EIF4E: variants seen among roughly 807,000 people sequenced by gnomAD.
EIF4E encodes the protein eIF-4F 25 kDa subunit.
For missense variants in EIF4E, 113 were observed against 265.6 expected (o/e 0.43, Z 3.99); for synonymous variants, 71 against 88.5 (o/e 0.80, Z 1.11).
At chr4:98,904,323 T>C in intron 1 of EIF4E, among the ~76,000 whole-genome samples, 1 of 151,826 alleles carries the variant, frequency 6.6e-6, no homozygotes, top group South Asian at 2.1e-4. Flanking sequence ...ACAATCCTCT[T>C]TCTCTCTCTC....
At chr4:98,916,723 C>T (rs1341171038) in intron 1 of EIF4E, among the ~76,000 whole-genome samples, 1 of 152,080 alleles carries the variant, frequency 6.6e-6, no homozygotes, top group Non-Finnish European at 1.5e-5. Flanking sequence ...ACTTCAGAAT[C>T]CTGAAGAATT....
At chr4:98,886,833 C>T (rs1723940742) in intron 5 of EIF4E, 2 of 471,056 alleles carry the variant, frequency 4.2e-6, no homozygotes, top group Admixed American at 6.6e-5. Context: ...GAAATGACCA[C>T]AGTGAGCTTA....
intron 2 of EIF4E, among the ~76,000 whole-genome samples, chr4:98,899,596 G>A (rs1201173660): frequency 2.6e-5 from 4 of 152,088 alleles, no homozygotes; most frequent in Non-Finnish European, 4.4e-5. Flanking sequence ...AATTATGTAA[G>A]GATGTAAATT....
At chr4:98,926,674 A>G (rs993147913) in intron 1 of EIF4E, among the ~76,000 whole-genome samples, 3 of 152,216 alleles carry the variant, frequency 2.0e-5, no homozygotes, top group Admixed American at 6.5e-5. Context: ...ATTTAAACAT[A>G]ACATCCAAAT....
chr4:98,905,754 C>A (rs1442670680), intron 1 of EIF4E, among the ~76,000 whole-genome samples: 6 of 152,146 alleles, frequency 3.9e-5, no homozygotes, highest in African/African-American at 1.4e-4. Context: ...AAACCCAGGG[C>A]TGAATAAACT....
intron 2 of EIF4E, among the ~76,000 whole-genome samples, chr4:98,899,072 A>G (rs2110195728): frequency 6.6e-6 from 1 of 151,952 alleles, no homozygotes; most frequent in African/African-American, 2.4e-5. Context: ...AAAAAACCAT[A>G]CAATTCCACA....
intron 1 of EIF4E, among the ~76,000 whole-genome samples, chr4:98,912,349 G>A (rs1195412683): frequency 6.6e-6 from 1 of 151,960 alleles, no homozygotes; most frequent in Non-Finnish European, 1.5e-5. Flanking sequence ...GGCCAACACG[G>A]GTGGATCATG....
chr4:98,920,643 C>A (rs35236100), intron 1 of EIF4E, among the ~76,000 whole-genome samples: 1 of 151,688 alleles, frequency 6.6e-6, no homozygotes, highest in Non-Finnish European at 1.5e-5. Flanking sequence ...TACCAAATTG[C>A]TATTTTGGAC....
intron 1 of EIF4E, among the ~76,000 whole-genome samples, chr4:98,915,882 C>T (rs955725286): frequency 2.6e-5 from 4 of 151,634 alleles, no homozygotes; most frequent in Non-Finnish European, 5.9e-5. Flanking sequence ...ACAGTAAGTT[C>T]CCCAGTCACC....
chr4:98,902,784 T>C (rs956293771), intron 1 of EIF4E, among the ~76,000 whole-genome samples: 2 of 152,058 alleles, frequency 1.3e-5, no homozygotes, highest in African/African-American at 2.4e-5. Flanking sequence ...AATAGGAGGA[T>C]TGCTTGAGCC....
chr4:98,883,989 T>A (rs1010622497), intron 6 of EIF4E, among the ~76,000 whole-genome samples: 1 of 148,196 alleles, frequency 6.7e-6, no homozygotes, highest in African/African-American at 2.5e-5. Context: ...AAGTGAGCCA[T>A]GACTGCACCA....
chr4:98,924,163 C>T (rs968461153), intron 1 of EIF4E, among the ~76,000 whole-genome samples: 14 of 151,952 alleles, frequency 9.2e-5, no homozygotes, highest in Non-Finnish European at 1.3e-4. Context: ...CTACAACCTC[C>T]GCCTCCCAGG....
At chr4:98,919,332 C>CAA (rs376097110) in intron 1 of EIF4E, among the ~76,000 whole-genome samples, 252 of 106,894 alleles carry the variant, frequency 2.4e-3, no homozygotes, top group Middle Eastern at 5.5e-3. Context: ...AAAAGACTAG[C>CAA]AAAAAAAAAA....
chr4:98,884,260 A>G (rs1723819116), intron 6 of EIF4E, among the ~76,000 whole-genome samples: 1 of 152,202 alleles, frequency 6.6e-6, no homozygotes, highest in South Asian at 2.1e-4. Flanking sequence ...CTCTTTTCAA[A>G]GTAGTACTTT....
intron 6 of EIF4E, 123 bp downstream of exon 6, chr4:98,884,799 A>C: frequency 7.4e-7 from 1 of 1,355,938 alleles, no homozygotes; most frequent in Non-Finnish European, 1.0e-6. Flanking sequence ...AAAAGTGTTC[A>C]CGAAAACAAT....
chr4:98,903,140 C>T (rs771677645), intron 1 of EIF4E, among the ~76,000 whole-genome samples: 17 of 152,072 alleles, frequency 1.1e-4, no homozygotes, highest in Non-Finnish European at 1.9e-4. Context: ...GCTCTTCATA[C>T]TATCATAAAT....
chr4:98,898,916 G>A (rs72893554), intron 2 of EIF4E, among the ~76,000 whole-genome samples: 2,756 of 151,556 alleles, frequency 0.018, 75 homozygotes, highest in African/African-American at 0.063. Context: ...ATACATCCAC[G>A]CAAGTGACTA....
At chr4:98,890,900 G>A (rs944795526) in intron 3 of EIF4E, 6 of 308,190 alleles carry the variant, frequency 1.9e-5, no homozygotes, top group Non-Finnish European at 3.0e-5. Context: ...ACCCAACAAC[G>A]CACTGCAATA....
At position 98,883,228 on chromosome 4, in the gene EIF4E, C is replaced by T. The variant is rs189861167; in HGVS notation, c.539+1694G>A. On this transcript the variant is annotated intron_variant, in intron 6 of 6. Transcript: ENST00000450253. ...TGGAGGTTGCAGTGAGCTGACATCG[C>T]GCTACTGCACCCCAGCCTGGGCAAC... Among the ~76,000 whole-genome samples, 1,015 of 151,974 alleles carry T rather than the reference C, an allele frequency of 6.7e-3. 21 individuals carry two copies. The highest frequency in any genetic ancestry group is 0.037 in the Admixed American group (557 of 15,230).
Sources: allele counts gnomAD v4.1 joint callset (sites outside exome capture counted in the v4.1 genomes callset), GRCh38; gene constraint gnomAD v4.1.1; transcripts MANE v1.5; gene names NCBI Gene and HGNC (gene_info 2026-07-23, HGNC 2026-07-21).